Variants in GLI2 observed in about 807,000 individuals in gnomAD.
GLI2 encodes the protein GLI family zinc finger 2.
In GLI2, 22 loss-of-function variants were observed where a neutral mutation model predicts 78.9. The ratio of observed to expected loss-of-function variants is 0.28; its 90% CI spans 0.20 to 0.40. GLI2 has a LOEUF of 0.40. Among genes scored for constraint, GLI2 ranks in the 10% least tolerant of loss-of-function variants. The pLI is 1.00. For missense variants in GLI2, 2,097 were observed against 2,213.2 expected (o/e 0.95, Z 1.05); for synonymous variants, 974 against 963.7 (o/e 1.01, Z -0.20).
chr2:120,812,182 T>G (rs1250251471), intron 2 of GLI2, among the ~76,000 whole-genome samples: 1 of 152,206 alleles, frequency 6.6e-6, no homozygotes, highest in Non-Finnish European at 1.5e-5. Flanking sequence ...TCCTCTGCTG[T>G]GGGAGGAGAA....
At chr2:120,764,517 G>A (rs953251584) in intron 1 of GLI2, among the ~76,000 whole-genome samples, 5 of 152,330 alleles carry the variant, frequency 3.3e-5, no homozygotes, top group Admixed American at 3.3e-4. Flanking sequence ...GGGAGTGAGT[G>A]TCCGGGTCAC....
At chr2:120,808,154 GGT>G (rs1176249395) in intron 2 of GLI2, among the ~76,000 whole-genome samples, 1 of 152,162 alleles carries the variant, frequency 6.6e-6, no homozygotes, top group African/African-American at 2.4e-5. Flanking sequence ...GTTTGGGTTT[GGT>G]ATGGAGCCGG....
At chr2:120,779,010 G>C (rs1683761925) in intron 1 of GLI2, among the ~76,000 whole-genome samples, 1 of 152,152 alleles carries the variant, frequency 6.6e-6, no homozygotes, top group Non-Finnish European at 1.5e-5. Flanking sequence ...TGACTCAGGA[G>C]CCAGGCTCTC....
intron 1 of GLI2, among the ~76,000 whole-genome samples, chr2:120,771,126 C>T (rs1046893625): frequency 6.6e-6 from 1 of 152,220 alleles, no homozygotes; most frequent in African/African-American, 2.4e-5. Flanking sequence ...CGTTGGTGGG[C>T]TCTGCCTGTG....
rs551301616 is a variant in GLI2, at chr2:120,926,136, GA to G, written c.149-1214del. Among the ~76,000 whole-genome samples, 228 of 94,550 alleles carry G rather than the reference GA, an allele frequency of 2.4e-3. 1 individual carries two copies. Among genetic ancestry groups the G allele is most frequent in the Admixed American group, 5.0e-3 (50 of 9,926 alleles). The allele number at this position is 94,550 out of a possible 152,430, so 62.0% of individuals were successfully genotyped here. A position where few individuals can be genotyped will look rare whatever the true frequency, so the allele number is the denominator to read the frequency against. On this transcript the variant is annotated intron_variant, in intron 2 of 13. Transcript: ENST00000361492. ...TAAATTTCAGATGTCTTTACTGCAA[GA>G]AAAAAAAAAAGAATTCATAGTATTT...
intron 2 of GLI2, among the ~76,000 whole-genome samples, chr2:120,842,526 C>T (rs1686937027): frequency 6.6e-6 from 1 of 152,186 alleles, no homozygotes; most frequent in Admixed American, 6.5e-5. Flanking sequence ...TATTTTCAAA[C>T]AATGCCATGA....
intron 3 of GLI2, among the ~76,000 whole-genome samples, chr2:120,938,230 T>C (rs895551): frequency 0.84 from 127,323 of 152,082 alleles, 57,378 homozygotes; most frequent in East Asian, 1. Context: ...ACAGAAGGAG[T>C]AAACCCAAGG....
intron 1 of GLI2, among the ~76,000 whole-genome samples, chr2:120,766,316 G>T (rs984521117): frequency 6.6e-6 from 1 of 151,942 alleles, no homozygotes; most frequent in Non-Finnish European, 1.5e-5. Flanking sequence ...GCATACCCTC[G>T]CAGGCCCCAT....
chr2:120,941,458 G>A (rs1160245323), intron 3 of GLI2, among the ~76,000 whole-genome samples: 1 of 151,410 alleles, frequency 6.6e-6, no homozygotes, highest in Non-Finnish European at 1.5e-5. Context: ...CTGGAGCTCT[G>A]TTTCTATTTG....
chr2:120,910,685 C>T (rs1212579113), intron 2 of GLI2, among the ~76,000 whole-genome samples: 1 of 152,176 alleles, frequency 6.6e-6, no homozygotes, highest in Non-Finnish European at 1.5e-5. Context: ...ATTTTTAACG[C>T]CAGTCAGAAT....
chr2:120,797,281 T>C lies in GLI2; in HGVS notation c.-30-10T>C. On this transcript the variant is annotated splice_polypyrimidine_tract_variant and intron_variant, in intron 1 of 13. Coordinates refer to ENST00000361492, the MANE Select transcript of GLI2 (RefSeq NM_001374353.1). The stretch of plus-strand genomic sequence containing the variant: ...TCAGTGTTGGTGAGTGTCTTTGTCT[T>C]CTCTTTTAGGATTGCCACCCAGGAC... The C allele has an allele frequency of 6.2e-7, 1 of 1,611,574 alleles. No homozygotes were observed. The highest frequency in any genetic ancestry group is 1.7e-5 in the Admixed American group (1 of 60,010).
chr2:120,757,015 G>C (rs1016781359), intron 1 of GLI2, among the ~76,000 whole-genome samples: 5 of 152,030 alleles, frequency 3.3e-5, no homozygotes, highest in Non-Finnish European at 7.4e-5. Context: ...TTTCTTCAAT[G>C]TCTAATCTAC....
In GLI2 at chr2:120,990,207, G is replaced by A. The variant is rs771337922; in HGVS notation, c.4242G>A (p.Pro1414=). The A allele has an allele frequency of 3.3e-5, 53 of 1,613,298 alleles. No individual in the cohort carries two copies. Among genetic ancestry groups the A allele is most frequent in the Non-Finnish European group, 3.9e-5 (46 of 1,179,984 alleles). The change falls in exon 14 of 14, where the codon CCG becomes CCA. Residue 1414 remains proline (P), a synonymous_variant. Coordinates refer to ENST00000361492, the MANE Select transcript of GLI2 (RefSeq NM_001374353.1). ...MGNMGSVPPQ[P]PPQDAGGAPD... is the part of the protein sequence containing the mutation. ...ACATGGGGTCGGTGCCTCCCCAGCC[G>A]CCTCCGCAGGACGCAGGTGGGGCCC... is the stretch of plus-strand genomic sequence containing the variant.
intron 3 of GLI2, among the ~76,000 whole-genome samples, chr2:120,932,527 C>T (rs1679993314): frequency 6.6e-6 from 1 of 152,206 alleles, no homozygotes; most frequent in African/African-American, 2.4e-5. Flanking sequence ...TGTCAGTTCT[C>T]AGCCTGCCAG....
At chr2:120,924,911 G>A (rs1679585306) in intron 2 of GLI2, among the ~76,000 whole-genome samples, 1 of 152,272 alleles carries the variant, frequency 6.6e-6, no homozygotes, top group Non-Finnish European at 1.5e-5. Context: ...CGCCTCCTGT[G>A]TGTGGGCTTT....
At position 120,990,068 on chromosome 2, in the gene GLI2, G is replaced by T; in HGVS notation, c.4103G>T (p.Gly1368Val). Residue 1368 changes from glycine to valine, a missense_variant, in exon 14 of 14, where the codon GGG becomes GTG. Coordinates refer to ENST00000361492, the MANE Select transcript of GLI2 (RefSeq NM_001374353.1). ...LEPSPTGRHR[G>V]VRAVQQQLAY... ...CCCAGCCCCACTGGCCGCCACCGTG[G>T]GGTACGTGCTGTGCAGCAGCAGCTG... The T allele has an allele frequency of 6.3e-7, 1 of 1,599,288 alleles. No homozygotes were observed. Among genetic ancestry groups the T allele is most frequent in the East Asian group, 2.2e-5 (1 of 44,592 alleles).
intron 2 of GLI2, among the ~76,000 whole-genome samples, chr2:120,809,269 C>T (rs982003052): frequency 2.0e-5 from 3 of 152,176 alleles, no homozygotes; most frequent in African/African-American, 7.2e-5. Flanking sequence ...GGCATAAAAG[C>T]ACAAATATTG....
In GLI2 at chr2:120,975,097, G is replaced by A. The variant is rs769266684; in HGVS notation, c.1305G>A (p.Glu435=). 3 of 1,613,926 alleles carry A rather than the reference G, an allele frequency of 1.9e-6. No individual in the cohort carries two copies. Among genetic ancestry groups the A allele is most frequent in the Non-Finnish European group, 1.7e-6 (2 of 1,180,032 alleles). ...EDCTKEYDTQ[E]QLVHHINNEH... is the part of the protein sequence containing the mutation. ...GCACCAAGGAGTACGACACCCAGGAGCAGCTGGTGCATGTAAGCTTTTGAA... is the reference window on the plus strand; with the variant it reads ...GCACCAAGGAGTACGACACCCAGGAACAGCTGGTGCATGTAAGCTTTTGAA... The change falls in exon 9 of 14, where the codon GAG becomes GAA. Residue 435 remains glutamate, a synonymous_variant. Transcript: ENST00000361492.
chr2:120,882,615 C>T (rs1158442931), intron 2 of GLI2, among the ~76,000 whole-genome samples: 1 of 152,222 alleles, frequency 6.6e-6, no homozygotes, highest in Non-Finnish European at 1.5e-5. Context: ...TCTGGGCCCA[C>T]CCTCCTCTGT....
Sources: gnomAD v4.1 joint callset for allele counts (sites outside exome capture counted in the v4.1 genomes callset) on GRCh38, gnomAD v4.1.1 for gene constraint, MANE v1.5 for transcripts, NCBI Gene and HGNC (gene_info 2026-07-23, HGNC 2026-07-21) for gene names.